Variants in ADGRB3 observed in about 807,000 individuals in gnomAD.
The protein encoded by ADGRB3 is adhesion G protein-coupled receptor B3.
Under a neutral mutation model 193.4 loss-of-function variants are expected in ADGRB3, and 37 were observed. That is an observed-to-expected ratio of 0.19 (90% CI 0.15 to 0.25). The LOEUF is 0.25. Ranked by LOEUF, ADGRB3 falls within the 10% of genes least tolerant of loss-of-function variation. The pLI is 1.00. For missense variants in ADGRB3, 1,637 were observed against 1,852.9 expected, an observed-to-expected ratio of 0.88 and a Z score of 2.14; for synonymous variants, 690 against 644.2, an observed-to-expected ratio of 1.07 and a Z score of -1.08.
At chr6:68,930,526 A>G (rs773258192) in intron 3 of ADGRB3, 33 bp from the exon 4 acceptor site, 3 of 1,471,666 alleles carry the variant, frequency 2.0e-6, no homozygotes, top group South Asian at 1.2e-5. Flanking sequence ...ATGTCTACAC[A>G]CAAGCTTTCA....
intron 3 of ADGRB3, among the ~76,000 whole-genome samples, chr6:68,799,985 C>A (rs1465806065): frequency 6.6e-6 from 1 of 152,096 alleles, no homozygotes; most frequent in Non-Finnish European, 1.5e-5. Flanking sequence ...TCCTGACTAT[C>A]AGAGTGACAA....
At chr6:68,809,431 C>T (rs997004972) in intron 3 of ADGRB3, among the ~76,000 whole-genome samples, 1 of 152,164 alleles carries the variant, frequency 6.6e-6, no homozygotes, top group Non-Finnish European at 1.5e-5. Context: ...GTATTTTGCC[C>T]AGGCAAATAT....
At chr6:68,805,906 A>G (rs1020604349) in intron 3 of ADGRB3, among the ~76,000 whole-genome samples, 2 of 152,256 alleles carry the variant, frequency 1.3e-5, no homozygotes, top group South Asian at 4.1e-4. Flanking sequence ...GTTAAGATGC[A>G]TGAATTTTTA....
At position 69,324,904 on chromosome 6, in the gene ADGRB3, C is replaced by T. The variant is rs1768535348; in HGVS notation, c.2847C>T (p.His949=). 6.2e-7 allele frequency: 1 copy of T among 1,613,860 alleles called. No individual in the cohort carries two copies. Among genetic ancestry groups the T allele is most frequent in the Non-Finnish European group, 8.5e-7 (1 of 1,179,848 alleles). Reference sequence around the variant, plus strand: ...GCACAACCACCACTGCATTTTTGCACTTTTTCTTCCTGGCTTCATTCTGTT... The same window carrying T: ...GCACAACCACCACTGCATTTTTGCATTTTTTCTTCCTGGCTTCATTCTGTT... ...SICTTTTAFL[H]FFFLASFCWV... The change falls in exon 21 of 32, where the codon CAC becomes CAT. Residue 949 remains histidine (H), a synonymous_variant. Transcript: ENST00000370598.
At chr6:69,281,870 G>A (rs1394188675) in intron 20 of ADGRB3, among the ~76,000 whole-genome samples, 2 of 152,112 alleles carry the variant, frequency 1.3e-5, no homozygotes. Context: ...AACACTGGAG[G>A]GAAAAGTAAA....
chr6:69,204,119 T>C (rs2150358805), intron 17 of ADGRB3, among the ~76,000 whole-genome samples: 1 of 152,280 alleles, frequency 6.6e-6, no homozygotes, highest in Non-Finnish European at 1.5e-5. Context: ...TAACCTTTCT[T>C]CTGGATACAT....
intron 3 of ADGRB3, among the ~76,000 whole-genome samples, chr6:68,841,335 T>C (rs1255100889): frequency 1.3e-5 from 2 of 152,188 alleles, no homozygotes; most frequent in African/African-American, 2.4e-5. Flanking sequence ...TTCTCAAGGA[T>C]AGACTATATG....
At chr6:68,826,726 C>T (rs1014175583) in intron 3 of ADGRB3, among the ~76,000 whole-genome samples, 1 of 152,098 alleles carries the variant, frequency 6.6e-6, no homozygotes, top group South Asian at 2.1e-4. Context: ...GTGGAAGTGA[C>T]AGGAAGTGGT....
At chr6:69,033,852 A>G (rs945585004) in intron 13 of ADGRB3, among the ~76,000 whole-genome samples, 5 of 152,106 alleles carry the variant, frequency 3.3e-5, no homozygotes, top group African/African-American at 1.2e-4. Flanking sequence ...AGAATCCTAC[A>G]ATAACAAGAT....
At chr6:69,156,882 G>T (rs1054908816) in intron 17 of ADGRB3, among the ~76,000 whole-genome samples, 1 of 152,100 alleles carries the variant, frequency 6.6e-6, no homozygotes, top group African/African-American at 2.4e-5. Context: ...GGGATGTTGG[G>T]TAACACAGCT....
chr6:68,751,730 A>G (rs1360711279), intron 3 of ADGRB3, among the ~76,000 whole-genome samples: 1 of 152,158 alleles, frequency 6.6e-6, no homozygotes, highest in African/African-American at 2.4e-5. Flanking sequence ...CATAATTGTC[A>G]AAATTGGAAT....
intron 3 of ADGRB3, among the ~76,000 whole-genome samples, chr6:68,891,555 TAATG>T (rs1488252733): frequency 1.3e-5 from 2 of 152,024 alleles, no homozygotes; most frequent in Non-Finnish European, 2.9e-5. Context: ...TCAAACAACT[TAATG>T]AATGTCTGAG....
intron 20 of ADGRB3, among the ~76,000 whole-genome samples, chr6:69,308,459 G>A (rs1768110536): frequency 6.7e-6 from 1 of 149,730 alleles, no homozygotes; most frequent in Non-Finnish European, 1.5e-5. Flanking sequence ...TTCAGAGCAG[G>A]GAAATCAATA....
chr6:69,388,956 C>G lies in ADGRB3; in HGVS notation c.*65C>G. 1.4e-6 allele frequency: 2 copies of G among 1,464,930 alleles called. No individual in the cohort carries two copies. Among genetic ancestry groups the G allele is most frequent in the South Asian group, 2.7e-5 (2 of 74,764 alleles). The allele number at this position is 1,464,930 out of a possible 1,614,324, so 90.7% of individuals were successfully genotyped here. A position where few individuals can be genotyped will look rare whatever the true frequency, so the allele number is the denominator to read the frequency against. On this transcript the variant is annotated 3_prime_UTR_variant, in exon 32 of 32. Transcript: ENST00000370598. ...GCACTGACACTTAAGACTTGGGAAG[C>G]CTGACATTTCTATCTGGACAGTGTG...
intron 3 of ADGRB3, among the ~76,000 whole-genome samples, chr6:68,763,751 C>A (rs1766457486): frequency 6.6e-6 from 1 of 151,876 alleles, no homozygotes; most frequent in Non-Finnish European, 1.5e-5. Flanking sequence ...AAGAAATTTT[C>A]TTTTTTTATG....
chr6:69,384,978 G>A (rs1263509038), intron 31 of ADGRB3, among the ~76,000 whole-genome samples: 1 of 147,834 alleles, frequency 6.8e-6, no homozygotes, highest in African/African-American at 2.5e-5. Context: ...TTTTTTCCGG[G>A]CTGCTGACTC....
At chr6:68,707,283 A>T (rs1765341331) in intron 3 of ADGRB3, among the ~76,000 whole-genome samples, 1 of 152,168 alleles carries the variant, frequency 6.6e-6, no homozygotes, top group East Asian at 1.9e-4. Context: ...ATCTAGTTTA[A>T]ATCACATCTG....
chr6:69,319,355 A>G (rs1454275794), intron 20 of ADGRB3, among the ~76,000 whole-genome samples: 3 of 151,194 alleles, frequency 2.0e-5, no homozygotes, highest in South Asian at 2.1e-4. Flanking sequence ...AACTTCTTGA[A>G]TTTATTTTAT....
chr6:69,231,828 TAA>T (rs1013231510), intron 17 of ADGRB3, among the ~76,000 whole-genome samples: 52 of 152,280 alleles, frequency 3.4e-4, no homozygotes, highest in Admixed American at 7.2e-4. Flanking sequence ...AAGTTGTAAT[TAA>T]GAGTATATTA....
Sources: gnomAD v4.1 joint callset for allele counts (sites outside exome capture counted in the v4.1 genomes callset) on GRCh38, gnomAD v4.1.1 for gene constraint, MANE v1.5 for transcripts, NCBI Gene and HGNC (gene_info 2026-07-23, HGNC 2026-07-21) for gene names.